Variants in COL18A1 observed in about 807,000 individuals in gnomAD.
The protein encoded by COL18A1 is collagen alpha-1(XVIII) chain.
A neutral mutation model predicts 168.0 loss-of-function variants in COL18A1; 133 were observed. That is an observed-to-expected ratio of 0.79 (90% CI 0.69 to 0.91). COL18A1 has a LOEUF of 0.91. Among genes scored for constraint, COL18A1 ranks in the 40% least tolerant of loss-of-function variants. COL18A1 has a pLI of 0.00. For synonymous variants in COL18A1, 949 were observed against 809.0 expected (o/e 1.17, Z -2.94); for missense variants, 2,126 against 1,925.4 (o/e 1.10, Z -1.95).
rs1479704473 is a variant in COL18A1, at chr21:45,498,243, C to T, written c.2683+582C>T. 2 of 704,130 alleles carry T rather than the reference C, an allele frequency of 2.8e-6. No homozygotes were observed. Among genetic ancestry groups the T allele is most frequent in the East Asian group, 2.7e-5 (1 of 37,280 alleles). The allele number at this position is 704,130 out of a possible 1,614,324, so 43.6% of individuals were successfully genotyped here. Reference sequence around the variant, plus strand: ...CTGTTTGAGGATGTCTGGGGGCTGGCAGAGCAGAAGCCCAGAGAGCCAGGC... The same window carrying T: ...CTGTTTGAGGATGTCTGGGGGCTGGTAGAGCAGAAGCCCAGAGAGCCAGGC... On this transcript the variant is annotated intron_variant, in intron 32 of 41. Transcript: ENST00000651438. This position sits in a 1 kb window ranked among gnomAD's most constrained non-coding sequence, Gnocchi z 4.5.
At chr21:45,428,097 C>T (rs1431593076) in intron 2 of COL18A1, among the ~76,000 whole-genome samples, 1 of 152,242 alleles carries the variant, frequency 6.6e-6, no homozygotes, top group Non-Finnish European at 1.5e-5. Context: ...CTGACTGCCC[C>T]CATCCCTCTG....
intron 2 of COL18A1, among the ~76,000 whole-genome samples, chr21:45,435,702 G>A (rs2034078665): frequency 6.6e-6 from 1 of 152,120 alleles, no homozygotes; most frequent in African/African-American, 2.4e-5. Flanking sequence ...GGAGCTGGGA[G>A]TCCTATAGGG....
chr21:45,504,654 G>T, intron 34 of COL18A1, 98 bp downstream of exon 34: 1 of 1,080,548 alleles, frequency 9.3e-7, no homozygotes. Flanking sequence ...CGCGAAGGCC[G>T]GAGCTGCCCC....
In COL18A1 at chr21:45,421,141, C is replaced by T. The variant is rs900370025; in HGVS notation, c.106+15668C>T. 6 of 327,022 alleles carry T rather than the reference C, an allele frequency of 1.8e-5. No individual in the cohort carries two copies. In the Admixed American group the frequency reaches 2.5e-4, roughly 14 times the overall value. The allele number at this position is 327,022 out of a possible 1,614,324, so 20.3% of individuals were successfully genotyped here. A position where few individuals can be genotyped will look rare whatever the true frequency, so the allele number is the denominator to read the frequency against. The stretch of plus-strand genomic sequence containing the variant: ...TGGTGCCTGCCTGTCCTGCCCTGCA[C>T]TCCTCAGGCTCCTCAAGGACAGACG... On this transcript the variant is annotated intron_variant, in intron 2 of 41. Transcript: ENST00000651438.
intron 36 of COL18A1, among the ~76,000 whole-genome samples, 197 bp downstream of exon 36, chr21:45,505,628 G>A (rs2037153871): frequency 6.6e-6 from 1 of 152,190 alleles, no homozygotes; most frequent in Admixed American, 6.5e-5. Flanking sequence ...CAGCCGGGAA[G>A]TGCCCAGGGC....
intron 13 of COL18A1, among the ~76,000 whole-genome samples, chr21:45,481,283 C>T (rs959838602): frequency 6.6e-6 from 1 of 152,148 alleles, no homozygotes; most frequent in Non-Finnish European, 1.5e-5. Flanking sequence ...CCCACCAGCT[C>T]TGCCACACAT....
intron 2 of COL18A1, among the ~76,000 whole-genome samples, chr21:45,439,811 C>G (rs1445065258): frequency 6.6e-6 from 1 of 151,302 alleles, no homozygotes; most frequent in Non-Finnish European, 1.5e-5. Context: ...CGGGAAATGC[C>G]GCTCTCTGCG....
At position 45,477,397 on chromosome 21, in the gene COL18A1, GCTTCT is replaced by G; in HGVS notation, c.929-9_929-5del. 1 of 1,609,792 alleles carries G rather than the reference GCTTCT, an allele frequency of 6.2e-7. No individual in the cohort carries two copies. Among genetic ancestry groups the G allele is most frequent in the Non-Finnish European group, 8.5e-7 (1 of 1,178,338 alleles). Reference sequence around the variant, plus strand: ...GGGGGGCGTGACCGTGGCCACCTCTGCTTCTCTTCCCAGCTCAGACACTTCCTGGC... The same window carrying G: ...GGGGGGCGTGACCGTGGCCACCTCTGCTTCCCAGCTCAGACACTTCCTGGC... On this transcript the variant is annotated splice_polypyrimidine_tract_variant and intron_variant, in intron 6 of 41. Transcript: ENST00000651438.
chr21:45,412,202 G>C (rs1340688773), intron 2 of COL18A1, among the ~76,000 whole-genome samples: 1 of 150,890 alleles, frequency 6.6e-6, no homozygotes, highest in Non-Finnish European at 1.5e-5. Flanking sequence ...GCCTTTAACT[G>C]GGGGTATGAT....
Position 45,428,267 on chromosome 21 carries a change from G to A in COL18A1, c.106+22794G>A, listed in dbSNP as rs1035860896. Among the ~76,000 whole-genome samples, 9 of 152,292 alleles carry A rather than the reference G, an allele frequency of 5.9e-5. 1 individual carries two copies. In the South Asian group the frequency reaches 1.4e-3, roughly 25 times the overall value. On this transcript the variant is annotated intron_variant, in intron 2 of 41. Transcript: ENST00000651438. ...GCAGCGCTGTGGGAACCGGGAGACT[G>A]GCTGAGCCCGCTCTGAGGAAGGTGG...
chr21:45,509,508 C>A lies in COL18A1; in HGVS notation c.3402C>A (p.Tyr1134Ter). Residue 1134 changes from tyrosine (Y) to a stop codon, truncating the protein, a stop_gained, in exon 39 of 42, where the codon TAC becomes TAA. Coordinates refer to ENST00000651438, the MANE Select transcript of COL18A1 (RefSeq NM_001379500.1). LOFTEE classifies it high-confidence loss of function. ...CTCGCCTGCCCGAGCCCCAGCCCTA[C>A]CCCGGAGCCCCGCACCACAGCTCCT... ...SPPRLPEPQPYPGAPHHSSYV... is the reference protein window; with the variant it reads ...SPPRLPEPQP 1 of 1,530,152 alleles carries A rather than the reference C, an allele frequency of 6.5e-7. No individual in the cohort carries two copies. Among genetic ancestry groups the A allele is most frequent in the Non-Finnish European group, 8.8e-7 (1 of 1,136,304 alleles). The allele number at this position is 1,530,152 out of a possible 1,614,324, so 94.8% of individuals were successfully genotyped here.
intron 2 of COL18A1, among the ~76,000 whole-genome samples, chr21:45,427,029 A>ACC (rs1479211963): frequency 6.6e-6 from 1 of 151,962 alleles, no homozygotes; most frequent in Non-Finnish European, 1.5e-5. Context: ...AGGTGCAGAC[A>ACC]CCCCAGCTTC....
chr21:45,497,961 T>A, intron 32 of COL18A1: 1 of 603,430 alleles, frequency 1.7e-6, no homozygotes. Context: ...CACAGCAGCT[T>A]CAGTGTCCTG....
At chr21:45,496,165 CT>C in intron 29 of COL18A1, 1 of 486,444 alleles carries the variant, frequency 2.1e-6, no homozygotes, top group Non-Finnish European at 3.9e-6. Context: ...GGTGTCCACT[CT>C]GCTGTCTTTT....
intron 2 of COL18A1, among the ~76,000 whole-genome samples, 172 bp downstream of exon 2, chr21:45,405,645 C>A (rs1056476113): frequency 6.6e-6 from 1 of 150,942 alleles, no homozygotes; most frequent in African/African-American, 2.4e-5. Flanking sequence ...GCGGGGTGGC[C>A]GGAGTCCCGC....
At chr21:45,462,504 T>G (rs955958543) in intron 2 of COL18A1, among the ~76,000 whole-genome samples, 3 of 152,228 alleles carry the variant, frequency 2.0e-5, no homozygotes, top group Admixed American at 6.5e-5. Context: ...GCTCATTAAT[T>G]TATTCTTTTG....
At position 45,468,278 on chromosome 21, in the gene COL18A1, T is replaced by C; in HGVS notation, c.143T>C (p.Leu48Pro). ...GAGGAGGTGGGGCTGCTGCAGCTCC[T>C]TGGGGACCCCCCGCCCCAGCAGGTC... Reference protein sequence around the residue: ...ISEEVGLLQLLGDPPPQQVTQ... With the variant: ...ISEEVGLLQLPGDPPPQQVTQ... Residue 48 changes from leucine to proline, a missense_variant, in exon 3 of 42, where the codon CTT becomes CCT. Coordinates refer to ENST00000651438, the MANE Select transcript of COL18A1 (RefSeq NM_001379500.1). The C allele has an allele frequency of 6.2e-7, 1 of 1,613,130 alleles. No homozygotes were observed. The highest frequency in any genetic ancestry group is 8.5e-7 in the Non-Finnish European group (1 of 1,180,028).
At chr21:45,411,644 C>T (rs113236100) in intron 2 of COL18A1, among the ~76,000 whole-genome samples, 3,437 of 151,960 alleles carry the variant, frequency 0.023, 70 homozygotes, top group Admixed American at 0.059. Flanking sequence ...GGGCCCGGCG[C>T]TGTGAGTGAG....
Position 45,493,131 on chromosome 21 carries a change from G to T in COL18A1, c.2215-32G>T, listed in dbSNP as rs149986386. On this transcript the variant is annotated intron_variant, in intron 24 of 41. Coordinates refer to ENST00000651438, the MANE Select transcript of COL18A1 (RefSeq NM_001379500.1). Reference sequence around the variant, plus strand: ...GTCGGGGATGGGGGAGATGCCAGCCGCTCGGGCCTCACGGCCTGGCCTCCA... The same window carrying T: ...GTCGGGGATGGGGGAGATGCCAGCCTCTCGGGCCTCACGGCCTGGCCTCCA... 1.2e-3 allele frequency: 1,859 copies of T among 1,546,488 alleles called. 18 individuals are homozygous for T. The African/African-American group carries it at 0.018, about 15-fold the overall frequency.
Sources: gnomAD v4.1 joint callset for allele counts (sites outside exome capture counted in the v4.1 genomes callset) on GRCh38, gnomAD v4.1.1 for gene constraint, Gnocchi (gnomAD v3.1) non-coding constraint, MANE v1.5 for transcripts, NCBI Gene and HGNC (gene_info 2026-07-23, HGNC 2026-07-21) for gene names.